Variants in ZNF532 observed in about 807,000 individuals in gnomAD.
ZNF532 encodes the protein zinc finger protein 532.
ZNF532 carries 22 observed loss-of-function variants against 89.3 expected under a neutral mutation model. That is an observed-to-expected ratio of 0.25 (90% confidence interval 0.18 to 0.35). The LOEUF (loss-of-function observed/expected upper bound fraction) is 0.35. Ranked by LOEUF, ZNF532 falls within the 10% of genes least tolerant of loss-of-function variation. The pLI is 1.00. For synonymous variants in ZNF532, 606 were observed against 649.6 expected (o/e 0.93, Z 1.02); for missense variants, 1,132 against 1,643.4 (o/e 0.69, Z 5.38).
At chr18:58,899,554 T>G (rs142857647) in intron 2 of ZNF532, among the ~76,000 whole-genome samples, 2 of 152,124 alleles carry the variant, frequency 1.3e-5, no homozygotes, top group African/African-American at 4.8e-5. Context: ...CTGCAACCTC[T>G]GCCTCCCGGG....
intron 5 of ZNF532, among the ~76,000 whole-genome samples, chr18:58,946,299 T>G (rs2063652809): frequency 6.6e-6 from 1 of 150,632 alleles, no homozygotes; most frequent in South Asian, 2.1e-4. Flanking sequence ...TAGTTTTTTT[T>G]TTTTTTTTTT....
At position 58,948,400 on chromosome 18, in the gene ZNF532, C is replaced by T. The variant is rs568451409; in HGVS notation, c.2868+171C>T. On this transcript the variant is annotated intron_variant, in intron 6 of 9. Coordinates refer to ENST00000591808, the MANE Select transcript of ZNF532 (RefSeq NM_001375912.1). ...ATGCTGTCATCATGTGTTCACTTGA[C>T]TGTGGTGCTTTTCATTCAGGAGTCC... Among the ~76,000 whole-genome samples, 19 of 152,296 alleles carry T rather than the reference C, an allele frequency of 1.2e-4. No individual in the cohort carries two copies. The South Asian group carries it at 3.9e-3, about 32-fold the overall frequency.
chr18:58,940,314 G>C (rs534415437), intron 5 of ZNF532: 8 of 152,240 alleles, frequency 5.3e-5, no homozygotes, highest in African/African-American at 1.9e-4. Context: ...ATATTTTTAA[G>C]ATGAAGGCAA....
intron 2 of ZNF532, among the ~76,000 whole-genome samples, chr18:58,902,051 T>TA (rs1424679262): frequency 2.0e-5 from 3 of 152,130 alleles, no homozygotes; most frequent in East Asian, 1.9e-4. Flanking sequence ...CAGCTTCTCT[T>TA]AGAGTGTTTG....
chr18:58,893,250 T>C (rs953143854), intron 2 of ZNF532, among the ~76,000 whole-genome samples: 2 of 152,074 alleles, frequency 1.3e-5, no homozygotes, highest in Non-Finnish European at 2.9e-5. Context: ...AGTGCTGGGA[T>C]TAAGGGCGTT....
chr18:58,928,223 C>A lies in ZNF532; in HGVS notation c.2347-6210C>A, dbSNP rs79329072. 4.2e-3 allele frequency among the ~76,000 whole-genome samples: 634 copies of A among 152,282 alleles called. 4 individuals carry two copies. The highest frequency in any genetic ancestry group is 0.015 in the African/African-American group (604 of 41,550). ...GGGGCTGTTCCTCCCACGCCTCTCA[C>A]CACCTCCCCTTACGCATGCCTTTAG... On this transcript the variant is annotated intron_variant, in intron 3 of 9. Transcript: ENST00000591808.
intron 2 of ZNF532, among the ~76,000 whole-genome samples, chr18:58,910,058 A>G (rs1299778001): frequency 6.6e-6 from 1 of 150,904 alleles, no homozygotes; most frequent in East Asian, 1.9e-4. Flanking sequence ...ACAACATAGC[A>G]AGACCCTGTC....
chr18:58,928,622 G>A (rs1207481825), intron 3 of ZNF532, among the ~76,000 whole-genome samples: 1 of 152,236 alleles, frequency 6.6e-6, no homozygotes, highest in African/African-American at 2.4e-5. Flanking sequence ...GGAGACAGTG[G>A]CAGAGGGAGA....
At chr18:58,976,120 A>G (rs1005207470) in intron 7 of ZNF532, among the ~76,000 whole-genome samples, 1 of 152,230 alleles carries the variant, frequency 6.6e-6, no homozygotes, top group African/African-American at 2.4e-5. Context: ...CTGTTAGGTA[A>G]TGTGACCAGG....
chr18:58,983,522 C>T (rs1007855116), intron 9 of ZNF532, among the ~76,000 whole-genome samples: 16 of 152,138 alleles, frequency 1.1e-4, no homozygotes, highest in Non-Finnish European at 2.1e-4. Flanking sequence ...CCCGACACTG[C>T]GTCAGGTCTC....
At chr18:58,948,278 T>C in intron 6 of ZNF532, 49 bp downstream of exon 6, 1 of 1,544,962 alleles carries the variant, frequency 6.5e-7, no homozygotes, top group Non-Finnish European at 8.8e-7. Context: ...GATCCATTCA[T>C]TGGTCATAAA....
rs1023552518 is a variant in ZNF532 at position 58,889,871 on chromosome 18, C to T, written c.-18+24292C>T. Among the ~76,000 whole-genome samples, 53 of 152,096 alleles carry T rather than the reference C, an allele frequency of 3.5e-4. 1 individual carries two copies. Among genetic ancestry groups the T allele is most frequent in the Admixed American group, 3.3e-3 (50 of 15,262 alleles). On this transcript the variant is annotated intron_variant, in intron 2 of 9. Coordinates refer to ENST00000591808, the MANE Select transcript of ZNF532 (RefSeq NM_001375912.1). ...AGGCCAAGGCAGGATCACCTGAGGT[C>T]AGGAGTTTGAGACCAACCTGGCCAA...
intron 5 of ZNF532, among the ~76,000 whole-genome samples, chr18:58,943,891 C>T (rs2063430767): frequency 6.6e-6 from 1 of 152,180 alleles, no homozygotes; most frequent in Non-Finnish European, 1.5e-5. Flanking sequence ...GAAATGAGAA[C>T]TTCAAAATAA....
At chr18:58,907,103 G>A (rs1053204343) in intron 2 of ZNF532, among the ~76,000 whole-genome samples, 11 of 152,316 alleles carry the variant, frequency 7.2e-5, no homozygotes, top group African/African-American at 2.6e-4. Context: ...AGAGGAGACA[G>A]CCTCATGTTT....
intron 3 of ZNF532, among the ~76,000 whole-genome samples, 179 bp downstream of exon 3, chr18:58,920,812 G>A (rs2061008057): frequency 6.6e-6 from 1 of 150,450 alleles, no homozygotes; most frequent in Admixed American, 6.7e-5. Context: ...GAGGGGGAAT[G>A]CCTGTGCAGC....
Position 58,887,157 on chromosome 18 carries a change from GCAACA to G in ZNF532, c.-18+21581_-18+21585del, listed in dbSNP as rs371848127. On this transcript the variant is annotated intron_variant, in intron 2 of 9. Coordinates refer to ENST00000591808, the MANE Select transcript of ZNF532 (RefSeq NM_001375912.1). ...ATAGCTTTGTTAGGTGGCTTATTCCGCAACACAGTTGCGTAGGGGCCCGAGGGGCC... is the reference window on the plus strand; with the variant it reads ...ATAGCTTTGTTAGGTGGCTTATTCCGCAGTTGCGTAGGGGCCCGAGGGGCC... Among the ~76,000 whole-genome samples, 70 of 152,006 alleles carry G rather than the reference GCAACA, an allele frequency of 4.6e-4. 1 individual carries two copies. In the South Asian group the frequency reaches 0.014, roughly 31 times the overall value.
chr18:58,928,426 AC>A (rs1291364881), intron 3 of ZNF532, among the ~76,000 whole-genome samples: 1 of 152,040 alleles, frequency 6.6e-6, no homozygotes, highest in Non-Finnish European at 1.5e-5. Context: ...ATGCTCAGTG[AC>A]CCCCAAGAGC....
At chr18:58,975,787 A>ATTTC (rs1433509663) in intron 7 of ZNF532, among the ~76,000 whole-genome samples, 1 of 152,252 alleles carries the variant, frequency 6.6e-6, no homozygotes, top group Non-Finnish European at 1.5e-5. Context: ...TTAGTTCACT[A>ATTTC]TTTCTTTAAA....
In ZNF532 at chr18:58,878,491, ATGAG is replaced by A. The variant is rs1185508755; in HGVS notation, c.-18+12918_-18+12921del. Among the ~76,000 whole-genome samples, 5 of 152,312 alleles carry A rather than the reference ATGAG, an allele frequency of 3.3e-5. No homozygotes were observed. In the East Asian group the frequency reaches 7.7e-4, roughly 24 times the overall value. On this transcript the variant is annotated intron_variant, in intron 2 of 9. Transcript: ENST00000591808. ...CCCCTGAAGGACTACCATGGAATGA[ATGAG>A]TGAGTTGGTGAATGAATGAAGACCA...
Sources: gnomAD v4.1 joint callset for allele counts (sites outside exome capture counted in the v4.1 genomes callset) on GRCh38, gnomAD v4.1.1 for gene constraint, MANE v1.5 for transcripts, NCBI Gene and HGNC (gene_info 2026-07-23, HGNC 2026-07-21) for gene names.